NCKAP5: variants seen among roughly 807,000 people sequenced by gnomAD.
The protein encoded by NCKAP5 is nck-associated protein 5.
In NCKAP5, 92 loss-of-function variants were observed where a neutral mutation model predicts 167.0. That is an observed-to-expected ratio of 0.55 (90% CI 0.47 to 0.66). NCKAP5 has a LOEUF of 0.66. Ranked by LOEUF, NCKAP5 falls within the 30% of genes least tolerant of loss-of-function variation. NCKAP5 has a pLI of 0.00. For missense variants in NCKAP5, 2,378 were observed against 2,315.0 expected (o/e 1.03, Z -0.56); for synonymous variants, 891 against 877.4 (o/e 1.02, Z -0.27).
At chr2:133,190,903 A>C (rs1238812764) in intron 5 of NCKAP5, among the ~76,000 whole-genome samples, 1 of 152,176 alleles carries the variant, frequency 6.6e-6, no homozygotes, top group African/African-American at 2.4e-5. Context: ...ATGGCAACAA[A>C]AGCCAAAATT....
chr2:132,779,450 A>G (rs577265449), intron 15 of NCKAP5, among the ~76,000 whole-genome samples: 2 of 152,238 alleles, frequency 1.3e-5, no homozygotes, highest in South Asian at 4.1e-4. Context: ...ACATTTTCAC[A>G]CATTCATTCT....
chr2:133,196,770 G>T (rs952360286), intron 5 of NCKAP5, among the ~76,000 whole-genome samples: 1 of 152,130 alleles, frequency 6.6e-6, no homozygotes, highest in African/African-American at 2.4e-5. Flanking sequence ...AGTCCAAGGA[G>T]CAGGAAAGGG....
intron 3 of NCKAP5, among the ~76,000 whole-genome samples, chr2:133,483,386 G>A (rs1224071381): frequency 3.3e-5 from 5 of 152,040 alleles, no homozygotes; most frequent in African/African-American, 1.2e-4. Flanking sequence ...GAGACTCCTT[G>A]GCTCCCAACA....
chr2:133,466,399 T>G lies in NCKAP5; in HGVS notation c.69+51059A>C, dbSNP rs1250887145. ...TGTTTTGGTACCAGTACCATGCTGT[T>G]TTGGTTACTGTAGCCTTGTAGTATA... On this transcript the variant is annotated intron_variant, in intron 3 of 19. Coordinates refer to ENST00000409261, the MANE Select transcript of NCKAP5 (RefSeq NM_207363.3). 4.7e-5 allele frequency among the ~76,000 whole-genome samples: 7 copies of G among 150,322 alleles called. No homozygotes were observed. In the East Asian group the frequency reaches 5.9e-4, roughly 13 times the overall value.
intron 4 of NCKAP5, among the ~76,000 whole-genome samples, chr2:133,226,312 G>A (rs1039512879): frequency 6.6e-6 from 1 of 152,114 alleles, no homozygotes; most frequent in Admixed American, 6.5e-5. Context: ...TGCTTACTAA[G>A]TTGGAGGGGC....
rs531953856 is a variant in NCKAP5 at position 132,872,384 on chromosome 2, T to C, written c.649-3410A>G. On this transcript the variant is annotated intron_variant, in intron 9 of 19. Coordinates refer to ENST00000409261, the MANE Select transcript of NCKAP5 (RefSeq NM_207363.3). Reference sequence around the variant, plus strand: ...CACACAAAACTTTGCTCTTCTTCCCTGAAAAACTTCCAGGGCTCGTGATTC... The same window carrying C: ...CACACAAAACTTTGCTCTTCTTCCCCGAAAAACTTCCAGGGCTCGTGATTC... Among the ~76,000 whole-genome samples the C allele has an allele frequency of 3.3e-5, 5 of 152,316 alleles. No homozygotes were observed. In the East Asian group the frequency reaches 9.7e-4, roughly 29 times the overall value.
intron 4 of NCKAP5, among the ~76,000 whole-genome samples, chr2:133,273,700 A>G (rs1044359121): frequency 1.3e-5 from 2 of 152,010 alleles, no homozygotes; most frequent in African/African-American, 4.8e-5. Context: ...AAATTATAAC[A>G]GTAGTAATAA....
At chr2:133,235,557 G>T (rs1004933183) in intron 4 of NCKAP5, among the ~76,000 whole-genome samples, 2 of 151,938 alleles carry the variant, frequency 1.3e-5, no homozygotes, top group East Asian at 3.9e-4. Context: ...GGGCAACAAG[G>T]CAAAACCCCA....
chr2:132,939,687 A>G (rs993833612), intron 8 of NCKAP5, among the ~76,000 whole-genome samples: 2 of 152,126 alleles, frequency 1.3e-5, no homozygotes, highest in Non-Finnish European at 2.9e-5. Flanking sequence ...TCACCCAAGC[A>G]GTGTACATTG....
chr2:132,916,223 A>C (rs1694864412), intron 8 of NCKAP5, among the ~76,000 whole-genome samples: 1 of 151,978 alleles, frequency 6.6e-6, no homozygotes. Flanking sequence ...CAGGGGACCC[A>C]CTATATTGTG....
chr2:133,611,534 C>T, the NCKAP5 span, among the ~76,000 whole-genome samples: 1 of 152,166 alleles, frequency 6.6e-6, no homozygotes, highest in Admixed American at 6.5e-5. Flanking sequence ...AAAGCATACT[C>T]CTCTCTAAAA....
At chr2:133,160,433 C>CTTTTTTTTTT (rs869057265) in intron 5 of NCKAP5, among the ~76,000 whole-genome samples, 2 of 100,862 alleles carry the variant, frequency 2.0e-5, no homozygotes, top group East Asian at 2.7e-4. Flanking sequence ...CTTTTCCTTT[C>CTTTTTTTTTT]TTTTTCTTTT....
chr2:133,306,347 T>C (rs1314595867), intron 3 of NCKAP5, among the ~76,000 whole-genome samples: 2 of 152,130 alleles, frequency 1.3e-5, no homozygotes, highest in Non-Finnish European at 2.9e-5. Flanking sequence ...AAATGCAACA[T>C]GGAACCCATG....
chr2:132,682,933 G>A (rs1411038393), intron 19 of NCKAP5, among the ~76,000 whole-genome samples: 5 of 149,308 alleles, frequency 3.3e-5, no homozygotes, highest in Non-Finnish European at 7.4e-5. Flanking sequence ...TACCCAGGCT[G>A]GAGTGCAGTG....
intron 3 of NCKAP5, among the ~76,000 whole-genome samples, chr2:133,405,292 C>G (rs114868743): frequency 3.9e-4 from 59 of 152,338 alleles, no homozygotes; most frequent in Non-Finnish European, 8.1e-4. Flanking sequence ...GTCAACAGCA[C>G]TATAACTTAT....
At chr2:133,151,442 A>G (rs1035496693) in intron 5 of NCKAP5, among the ~76,000 whole-genome samples, 2 of 152,190 alleles carry the variant, frequency 1.3e-5, no homozygotes, top group African/African-American at 4.8e-5. Context: ...GAATGCTTAC[A>G]GCTCAACAAT....
intron 11 of NCKAP5, among the ~76,000 whole-genome samples, chr2:132,842,707 C>T (rs546622436): frequency 3.3e-5 from 5 of 150,892 alleles, no homozygotes; most frequent in South Asian, 2.1e-4. Context: ...CCACCATGCC[C>T]GGATGATTTT....
chr2:132,717,802 C>T (rs1008518962), intron 19 of NCKAP5, among the ~76,000 whole-genome samples: 1 of 152,178 alleles, frequency 6.6e-6, no homozygotes, highest in Non-Finnish European at 1.5e-5. Context: ...GAAATTGGGG[C>T]TTGATCAGCT....
chr2:133,216,061 C>A (rs10167221), intron 4 of NCKAP5, among the ~76,000 whole-genome samples: 3,692 of 152,072 alleles, frequency 0.024, 162 homozygotes, highest in African/African-American at 0.085. Context: ...GACGGCCACA[C>A]TAAAAACTAC....
Sources: gnomAD v4.1 joint callset for allele counts (sites outside exome capture counted in the v4.1 genomes callset) on GRCh38, gnomAD v4.1.1 for gene constraint, MANE v1.5 for transcripts, NCBI Gene and HGNC (gene_info 2026-07-23, HGNC 2026-07-21) for gene names.